Variants in TIAM1 observed in about 807,000 individuals in gnomAD.
The protein encoded by TIAM1 is rho guanine nucleotide exchange factor TIAM1.
Under a neutral mutation model 163.5 loss-of-function variants are expected in TIAM1, and 65 were observed. The ratio of observed to expected loss-of-function variants is 0.40; its 90% CI spans 0.33 to 0.49. The LOEUF (loss-of-function observed/expected upper bound fraction) is 0.49, where lower values mean the gene tolerates loss of function less well. Ranked by LOEUF, TIAM1 falls within the 20% of genes least tolerant of loss-of-function variation. The probability of loss-of-function intolerance (pLI) is 0.77; values close to 1 mark genes in which losing one functional copy is unlikely to be tolerated. For missense variants in TIAM1, 1,789 were observed against 2,044.7 expected (o/e 0.87, Z 2.41); for synonymous variants, 833 against 810.1 (o/e 1.03, Z -0.48).
At chr21:31,494,133 C>T (rs1410438579) in intron 1 of TIAM1, among the ~76,000 whole-genome samples, 6 of 152,092 alleles carry the variant, frequency 3.9e-5, no homozygotes, top group African/African-American at 1.4e-4. Context: ...AGGCTGGTCT[C>T]GAACTCCTGA....
intron 2 of TIAM1, among the ~76,000 whole-genome samples, chr21:31,306,569 C>G (rs2146972433): frequency 6.6e-6 from 1 of 152,260 alleles, no homozygotes. Flanking sequence ...TTCGGGAGCA[C>G]TCAGAGAACA....
intron 3 of TIAM1, among the ~76,000 whole-genome samples, chr21:31,272,333 T>C (rs979632289): frequency 2.6e-5 from 4 of 152,116 alleles, no homozygotes; most frequent in African/African-American, 7.2e-5. Context: ...TGTCTATACA[T>C]AGTAAAGGAA....
At chr21:31,164,902 T>G in intron 16 of TIAM1, 60 bp downstream of exon 16, 1 of 1,550,002 alleles carries the variant, frequency 6.5e-7, no homozygotes, top group African/African-American at 1.4e-5. Flanking sequence ...GTAGGTGACA[T>G]TGTCAGCTGT....
At chr21:31,419,249 C>T (rs1476136555) in intron 2 of TIAM1, among the ~76,000 whole-genome samples, 2 of 152,206 alleles carry the variant, frequency 1.3e-5, no homozygotes, top group Non-Finnish European at 2.9e-5. Context: ...TTCAGCTGCA[C>T]ATGAATGCGT....
chr21:31,277,338 T>C (rs1017525545), intron 2 of TIAM1, among the ~76,000 whole-genome samples: 2 of 152,184 alleles, frequency 1.3e-5, no homozygotes, highest in Non-Finnish European at 2.9e-5. Context: ...GAAATTACCT[T>C]ATATGGTCTA....
At position 31,223,485 on chromosome 21, in the gene TIAM1, A is replaced by C. The variant is rs1366612110; in HGVS notation, c.1916T>G (p.Leu639Arg). ...CGTTGGTCGACTTGCAAAAGCGAGA[A>C]GCCTTTTGGGGTTTGGCAGCTCCCC... ...QGGELPNPKR[L>R]LAFASRPTKV... The change falls in exon 8 of 28, where the codon CTT (leucine) becomes CGT (arginine). Residue 639 changes from leucine to arginine, a missense_variant. Transcript: ENST00000541036. 5 of 1,613,888 alleles carry C rather than the reference A, an allele frequency of 3.1e-6. No individual in the cohort carries two copies. The highest frequency in any genetic ancestry group is 1.3e-5 in the African/African-American group (1 of 74,930).
chr21:31,440,486 C>T (rs929245917), intron 2 of TIAM1, among the ~76,000 whole-genome samples: 1 of 152,196 alleles, frequency 6.6e-6, no homozygotes, highest in Non-Finnish European at 1.5e-5. Context: ...AAAGTCACAA[C>T]ACAAATGACC....
rs200652149 is a variant in TIAM1 at position 31,182,557 on chromosome 21, C to T, written c.2751G>A (p.Gln917=). The change falls in exon 15 of 28, where the codon CAG becomes CAA. Residue 917 remains glutamine (Q), a synonymous_variant. Transcript: ENST00000541036. The part of the protein sequence containing the change: ...NSSMLKDFLS[Q]PSLGLLVRTY... ...TCCTCACCAGGAGGCCCAGCGAGGG[C>T]TGTGAGAGGAAATCTTTGAGCATAG... 9.5e-5 allele frequency: 153 copies of T among 1,614,092 alleles called. 1 individual carries two copies. In the East Asian group the frequency reaches 1.6e-3, roughly 17 times the overall value.
intron 2 of TIAM1, among the ~76,000 whole-genome samples, chr21:31,393,864 A>C (rs144871211): frequency 2.3e-4 from 35 of 152,264 alleles, no homozygotes; most frequent in African/African-American, 7.9e-4. Flanking sequence ...TTCCAATTTC[A>C]TGTATCTTAT....
intron 2 of TIAM1, among the ~76,000 whole-genome samples, chr21:31,461,413 G>A (rs1187702541): frequency 6.6e-6 from 1 of 152,136 alleles, no homozygotes; most frequent in Non-Finnish European, 1.5e-5. Flanking sequence ...GAACCCGGGA[G>A]GCGGAGGTTG....
chr21:31,126,973 C>T (rs777972448), intron 26 of TIAM1, 92 bp downstream of exon 26: 187 of 1,259,900 alleles, frequency 1.5e-4, no homozygotes, highest in Non-Finnish European at 1.9e-4. Context: ...GTACAAACAA[C>T]GTACCAAACA....
chr21:31,538,822 G>A (rs553673941), intron 1 of TIAM1, among the ~76,000 whole-genome samples: 14 of 152,278 alleles, frequency 9.2e-5, no homozygotes, highest in African/African-American at 1.9e-4. Flanking sequence ...TGCATTTCTC[G>A]CTGAAACAAA....
At position 31,217,677 on chromosome 21, in the gene TIAM1, G is replaced by A. The variant is rs1395041100; in HGVS notation, c.2018C>T (p.Thr673Ile). 6 of 1,613,676 alleles carry A rather than the reference G, an allele frequency of 3.7e-6. No homozygotes were observed. In the South Asian group the frequency reaches 6.6e-5, roughly 18 times the overall value. Residue 673 changes from threonine (T) to isoleucine (I), a missense_variant, in exon 9 of 28, where the codon ACT becomes ATT. Around this residue, in one of 5 missense-constraint regions of TIAM1, gnomAD observed 456 missense variants for 586.6 expected, o/e 0.78. Coordinates refer to ENST00000541036, the MANE Select transcript of TIAM1 (RefSeq NM_001353694.2). The part of the protein sequence containing the change: ...HALVAARTGE[T>I]GVRRRTQAMS... ...GGCCTGAGTACGTCTTCTCACTCCAGTTTCACCAGTGCGTGCTGCCACCTG... is the reference window on the plus strand; with the variant it reads ...GGCCTGAGTACGTCTTCTCACTCCAATTTCACCAGTGCGTGCTGCCACCTG...
At chr21:31,225,536 T>TAGAA (rs749099494) in intron 7 of TIAM1, among the ~76,000 whole-genome samples, 190 bp downstream of exon 7, 23 of 152,054 alleles carry the variant, frequency 1.5e-4, no homozygotes, top group Middle Eastern at 6.8e-3. Flanking sequence ...TCCGTTTAGC[T>TAGAA]ATTAACAATC....
At chr21:31,553,634 C>A (rs1362838870) in intron 1 of TIAM1, among the ~76,000 whole-genome samples, 1 of 152,108 alleles carries the variant, frequency 6.6e-6, no homozygotes, top group East Asian at 1.9e-4. Flanking sequence ...TGATAGAGAT[C>A]TTGCCCCAGG....
chr21:31,402,699 A>T (rs1172789306), intron 2 of TIAM1, among the ~76,000 whole-genome samples: 1 of 151,962 alleles, frequency 6.6e-6, no homozygotes, highest in East Asian at 1.9e-4. Flanking sequence ...TAATCCCAGC[A>T]GCACTTTTGA....
rs147181981 is a variant in TIAM1, at chr21:31,406,118, G to A, written c.-369+57865C>T. Reference sequence around the variant, plus strand: ...TCACTGGCTTAGCAGTGATTAATATGGCTCAACACCCACCCCCACCCCACT... The same window carrying A: ...TCACTGGCTTAGCAGTGATTAATATAGCTCAACACCCACCCCCACCCCACT... On this transcript the variant is annotated intron_variant, in intron 2 of 28. Transcript: ENST00000286827. Among the ~76,000 whole-genome samples the A allele has an allele frequency of 1.4e-3, 211 of 151,364 alleles. 1 individual carries two copies. The highest frequency in any genetic ancestry group is 0.01 in the Middle Eastern group (3 of 292).
intron 2 of TIAM1, among the ~76,000 whole-genome samples, chr21:31,432,743 G>T (rs2147282539): frequency 6.6e-6 from 1 of 152,342 alleles, no homozygotes; most frequent in East Asian, 1.9e-4. Flanking sequence ...CAGGAAATGT[G>T]CCTTGTGGAT....
At chr21:31,194,031 C>T (rs2085709794) in intron 13 of TIAM1, among the ~76,000 whole-genome samples, 1 of 152,166 alleles carries the variant, frequency 6.6e-6, no homozygotes, top group African/African-American at 2.4e-5. Context: ...GACACCGCCT[C>T]CTCAAGCCTG....
Sources: allele counts gnomAD v4.1 joint callset (sites outside exome capture counted in the v4.1 genomes callset), GRCh38; gene constraint gnomAD v4.1.1; regional missense constraint gnomAD v4.1.1; transcripts MANE v1.5; gene names NCBI Gene and HGNC (gene_info 2026-07-23, HGNC 2026-07-21).